The following NANOG variants were observed in gnomAD, a reference collection of about 807,000 sequenced individuals.
NANOG encodes homeobox protein NANOG.
Under a neutral mutation model 17.7 loss-of-function variants are expected in NANOG, and 2 were observed. The ratio of observed to expected loss-of-function variants is 0.11; its 90% CI spans 0.05 to 0.36. The LOEUF is 0.36. Among genes scored for constraint, NANOG ranks in the 10% least tolerant of loss-of-function variants. NANOG has a pLI of 1.00. For missense variants in NANOG, 174 were observed against 362.1 expected, an observed-to-expected ratio of 0.48 and a Z score of 4.22; for synonymous variants, 81 against 124.7, an observed-to-expected ratio of 0.65 and a Z score of 2.33.
chr12:7,793,494 T>C (rs1314924694), intron 2 of NANOG, among the ~76,000 whole-genome samples: 13 of 152,188 alleles, frequency 8.5e-5, no homozygotes, highest in Admixed American at 5.9e-4. Flanking sequence ...AGTATCTAAC[T>C]CCACTTACCA....
chr12:7,789,919 A>T (rs1472707043), intron 1 of NANOG, among the ~76,000 whole-genome samples, 154 bp downstream of exon 1: 10 of 152,114 alleles, frequency 6.6e-5, no homozygotes, highest in African/African-American at 2.4e-4. Context: ...CCCTTTTTCC[A>T]TTATAACTTG....
intron 2 of NANOG, among the ~76,000 whole-genome samples, chr12:7,793,824 C>T (rs1862877404): frequency 6.6e-6 from 1 of 152,094 alleles, no homozygotes; most frequent in South Asian, 2.1e-4. Flanking sequence ...TGGATGAAAC[C>T]TCCACCTCCT....
At position 7,798,382 on chromosome 12, in the gene NANOG, A is replaced by C. The variant is rs10744049; in HGVS notation, c.*3287A>C. The C allele has an allele frequency of 6.6e-6, 1 of 152,046 alleles. No individual in the cohort carries two copies. Among genetic ancestry groups the C allele is most frequent in the African/African-American group, 2.4e-5 (1 of 41,388 alleles). 9.4% of individuals were successfully genotyped at this position (152,046 alleles called of 1,614,324 possible). A position where few individuals can be genotyped will look rare whatever the true frequency, so the allele number is the denominator to read the frequency against. ...CGTCACTGTCTCAAAAATAAACAAAAATAATAGGAGATTAGGCAAAAAGGA... is the reference window on the plus strand; with the variant it reads ...CGTCACTGTCTCAAAAATAAACAAACATAATAGGAGATTAGGCAAAAAGGA... On this transcript the variant is annotated 3_prime_UTR_variant, in exon 4 of 4. Transcript: ENST00000229307.
chr12:7,792,201 C>G (rs577727862), intron 1 of NANOG, among the ~76,000 whole-genome samples: 195 of 152,290 alleles, frequency 1.3e-3, no homozygotes, highest in African/African-American at 4.4e-3. Context: ...AGCTGAGGTG[C>G]TGGTTTTATA....
At chr12:7,791,629 ATTGAGAG>A (rs1299079149) in intron 1 of NANOG, among the ~76,000 whole-genome samples, 1 of 152,158 alleles carries the variant, frequency 6.6e-6, no homozygotes, top group Admixed American at 6.6e-5. Flanking sequence ...CAGGGGTAGA[ATTGAGAG>A]TTGAACACTG....
At position 7,798,390 on chromosome 12, in the gene NANOG, G is replaced by T. The variant is rs1384896202; in HGVS notation, c.*3295G>T. 6.6e-6 allele frequency: 1 copy of T among 152,044 alleles called. No individual in the cohort carries two copies. The highest frequency in any genetic ancestry group is 1.5e-5 in the Non-Finnish European group (1 of 67,998). The allele number at this position is 152,044 out of a possible 1,614,324, so 9.4% of individuals were successfully genotyped here. ...TCTCAAAAATAAACAAAAATAATAG[G>T]AGATTAGGCAAAAAGGATAGTACAA... On this transcript the variant is annotated 3_prime_UTR_variant, in exon 4 of 4. Coordinates refer to ENST00000229307, the MANE Select transcript of NANOG (RefSeq NM_024865.4).
chr12:7,793,611 G>A (rs1482722129), intron 2 of NANOG, among the ~76,000 whole-genome samples: 3 of 151,710 alleles, frequency 2.0e-5, no homozygotes, highest in Non-Finnish European at 4.4e-5. Context: ...TTTTATCTGT[G>A]TGCATTCAAT....
chr12:7,794,721 C>T lies in NANOG; in HGVS notation c.544C>T (p.His182Tyr). The T allele has an allele frequency of 1.3e-6, 2 of 1,583,158 alleles. No homozygotes were observed. The highest frequency in any genetic ancestry group is 2.2e-5 in the East Asian group (1 of 44,870). Residue 182 changes from histidine (H) to tyrosine (Y), a missense_variant, in exon 4 of 4, where the codon CAC becomes TAC. Coordinates refer to ENST00000229307, the MANE Select transcript of NANOG (RefSeq NM_024865.4). ...CTACCCCAGCCTTTACTCTTCCTAC[C>T]ACCAGGGATGCCTGGTGAACCCGAC... ...PTYPSLYSSY[H>Y]QGCLVNPTGN...
chr12:7,798,975 G>C lies in NANOG; in HGVS notation c.*3880G>C, dbSNP rs1264464641. On this transcript the variant is annotated 3_prime_UTR_variant, in exon 4 of 4. Coordinates refer to ENST00000229307, the MANE Select transcript of NANOG (RefSeq NM_024865.4). ...AGCTTCCGGCACAGGAAGTTAGTTC[G>C]ACTAAGGATACCGAAATGTAGGAAT... 6.7e-6 allele frequency: 1 copy of C among 149,712 alleles called. No individual in the cohort carries two copies. The highest frequency in any genetic ancestry group is 1.5e-5 in the Non-Finnish European group (1 of 67,654). 9.3% of individuals were successfully genotyped at this position (149,712 alleles called of 1,614,324 possible). A position where few individuals can be genotyped will look rare whatever the true frequency, so the allele number is the denominator to read the frequency against.
In NANOG at chr12:7,798,326, A is replaced by G. The variant is rs1862956729; in HGVS notation, c.*3231A>G. 6.6e-6 allele frequency: 1 copy of G among 152,156 alleles called. No homozygotes were observed. The highest frequency in any genetic ancestry group is 2.4e-5 in the African/African-American group (1 of 41,436). The allele number at this position is 152,156 out of a possible 1,614,324, so 9.4% of individuals were successfully genotyped here. A position where few individuals can be genotyped will look rare whatever the true frequency, so the allele number is the denominator to read the frequency against. ...CGGGAGGTTGCAGTGACCCCAGATA[A>G]TGCCACCCCACTCCAGCCTGGGCGA... On this transcript the variant is annotated 3_prime_UTR_variant, in exon 4 of 4. Coordinates refer to ENST00000229307, the MANE Select transcript of NANOG (RefSeq NM_024865.4).
chr12:7,795,122 T>C lies in NANOG; in HGVS notation c.*27T>C. The stretch of plus-strand genomic sequence containing the variant: ...GATGAGTGAAACTGATATTACTCAA[T>C]TTCAGTCTGGACACTGGCTGAATCC... On this transcript the variant is annotated 3_prime_UTR_variant, in exon 4 of 4. Transcript: ENST00000229307. The C allele has an allele frequency of 2.7e-6, 4 of 1,464,244 alleles. No homozygotes were observed. In the South Asian group the frequency reaches 4.5e-5, roughly 17 times the overall value. The allele number at this position is 1,464,244 out of a possible 1,614,324, so 90.7% of individuals were successfully genotyped here.
At chr12:7,793,305 A>C (rs1862869315) in intron 2 of NANOG, 93 bp downstream of exon 2, 1 of 1,209,162 alleles carries the variant, frequency 8.3e-7, no homozygotes, top group African/African-American at 1.5e-5. Context: ...TGTGTGTACT[A>C]TGTGTCCGTA....
intron 3 of NANOG, 43 bp from the exon 4 acceptor site, chr12:7,794,636 G>A (rs781263220): frequency 6.2e-7 from 1 of 1,611,168 alleles, no homozygotes; most frequent in South Asian, 1.1e-5. Flanking sequence ...GACAGTTCTG[G>A]TTGTCCTTGT....
Position 7,793,083 on chromosome 12 carries a change from A to T in NANOG, c.285A>T (p.Lys95Asn). The T allele has an allele frequency of 5.6e-6, 9 of 1,609,832 alleles. No individual in the cohort carries two copies. In the South Asian group the frequency reaches 9.9e-5, roughly 18 times the overall value. ...AGGAAGACAAGGTCCCGGTCAAGAA[A>T]CAGAAGACCAGAACTGTGTTCTCTT... ...AKKEDKVPVK[K>N]QKTRTVFSST... Residue 95 changes from lysine to asparagine, a missense_variant, in exon 2 of 4, where the codon AAA becomes AAT. Coordinates refer to ENST00000229307, the MANE Select transcript of NANOG (RefSeq NM_024865.4).
At chr12:7,792,751 T>C (rs1862859390) in intron 1 of NANOG, among the ~76,000 whole-genome samples, 199 bp from the exon 2 acceptor site, 1 of 152,108 alleles carries the variant, frequency 6.6e-6, no homozygotes, top group Admixed American at 6.6e-5. Flanking sequence ...ATGTACAAAA[T>C]GGAGATACTG....
intron 2 of NANOG, 48 bp from the exon 3 acceptor site, chr12:7,794,409 A>T: frequency 2.0e-6 from 3 of 1,496,326 alleles, no homozygotes; most frequent in Non-Finnish European, 2.8e-6. Context: ...GATTCAAAGT[A>T]CCTCTGTATT....
At chr12:7,792,384 C>T (rs1295797165) in intron 1 of NANOG, among the ~76,000 whole-genome samples, 7 of 152,078 alleles carry the variant, frequency 4.6e-5, no homozygotes, top group South Asian at 4.2e-4. Context: ...GTGGTAGCGC[C>T]GGCCTGATGA....
intron 1 of NANOG, among the ~76,000 whole-genome samples, chr12:7,791,703 C>T (rs992897447): frequency 5.3e-5 from 8 of 152,120 alleles, no homozygotes; most frequent in Non-Finnish European, 1.0e-4. Context: ...ATATTCATTT[C>T]TAGTTACAAA....
Position 7,799,123 on chromosome 12 carries a change from A to C in NANOG, c.*4028A>C, listed in dbSNP as rs1250400850. ...GTTGGTGTAAACTCTGTGGTCCTTG[A>C]ATAAAGTGTGCTTGAGAATTTTAGA... On this transcript the variant is annotated 3_prime_UTR_variant, in exon 4 of 4. Coordinates refer to ENST00000229307, the MANE Select transcript of NANOG (RefSeq NM_024865.4). The C allele has an allele frequency of 6.6e-6, 1 of 152,130 alleles. No homozygotes were observed. Among genetic ancestry groups the C allele is most frequent in the Non-Finnish European group, 1.5e-5 (1 of 68,022 alleles). 9.4% of individuals were successfully genotyped at this position (152,130 alleles called of 1,614,324 possible).
Sources: gnomAD v4.1 joint callset for allele counts (sites outside exome capture counted in the v4.1 genomes callset) on GRCh38, gnomAD v4.1.1 for gene constraint, MANE v1.5 for transcripts, NCBI Gene and HGNC (gene_info 2026-07-23, HGNC 2026-07-21) for gene names.